KCNT2: variants seen among roughly 807,000 people sequenced by gnomAD.
KCNT2 encodes potassium channel subfamily T member 2.
KCNT2 carries 67 observed loss-of-function variants against 153.8 expected under a neutral mutation model. The observed-to-expected ratio is 0.44, with a 90% CI of 0.36 to 0.53. The LOEUF (loss-of-function observed/expected upper bound fraction) is 0.53, where lower values mean the gene tolerates loss of function less well. Ranked by LOEUF, KCNT2 falls within the 20% of genes least tolerant of loss-of-function variation. The pLI is 0.00. For missense variants in KCNT2, 975 were observed against 1,354.8 expected (o/e 0.72, Z 4.40); for synonymous variants, 500 against 458.8 (o/e 1.09, Z -1.15).
At chr1:196,325,013 G>A (rs1445459100) in intron 19 of KCNT2, among the ~76,000 whole-genome samples, 1 of 152,048 alleles carries the variant, frequency 6.6e-6, no homozygotes, top group African/African-American at 2.4e-5. Flanking sequence ...CCTGTCACCT[G>A]TGTGATGGTG....
At chr1:196,525,954 C>T (rs1024810670) in intron 1 of KCNT2, among the ~76,000 whole-genome samples, 2 of 151,858 alleles carry the variant, frequency 1.3e-5, no homozygotes, top group Admixed American at 6.6e-5. Context: ...TTAGTATTCA[C>T]TAATGCAGAG....
At chr1:196,333,106 T>TTG (rs1553287556) in intron 17 of KCNT2, among the ~76,000 whole-genome samples, 16 of 151,186 alleles carry the variant, frequency 1.1e-4, no homozygotes, top group African/African-American at 3.7e-4. Flanking sequence ...TTTTTTTTTT[T>TTG]TTTGTTTGTT....
intron 5 of KCNT2, among the ~76,000 whole-genome samples, chr1:196,476,977 A>G (rs1483402348): frequency 6.6e-6 from 1 of 152,178 alleles, no homozygotes; most frequent in Non-Finnish European, 1.5e-5. Flanking sequence ...CAAGTTTCTT[A>G]TACTTGACAT....
At chr1:196,436,780 T>C (rs953251494) in intron 8 of KCNT2, among the ~76,000 whole-genome samples, 1 of 150,708 alleles carries the variant, frequency 6.6e-6, no homozygotes, top group African/African-American at 2.4e-5. Context: ...TACAGCACAT[T>C]CATAAGCATA....
chr1:196,228,814 T>G (rs1653694680), intron 27 of KCNT2, among the ~76,000 whole-genome samples: 1 of 152,122 alleles, frequency 6.6e-6, no homozygotes, highest in South Asian at 2.1e-4. Context: ...AGGAGATTGA[T>G]GTAAGCAATT....
At chr1:196,535,820 C>G (rs1207271082) in intron 1 of KCNT2, among the ~76,000 whole-genome samples, 1 of 152,220 alleles carries the variant, frequency 6.6e-6, no homozygotes, top group Non-Finnish European at 1.5e-5. Context: ...ATAGTGGCTT[C>G]CAGCCAAGCA....
intron 7 of KCNT2, 69 bp from the exon 8 acceptor site, chr1:196,465,456 T>C (rs1677528637): frequency 9.5e-6 from 8 of 841,372 alleles, no homozygotes; most frequent in Non-Finnish European, 1.7e-5. Flanking sequence ...TCATTACATT[T>C]ATTAGCATAC....
chr1:196,510,206 A>C (rs1186228069), intron 1 of KCNT2, among the ~76,000 whole-genome samples: 1 of 152,216 alleles, frequency 6.6e-6, no homozygotes, highest in Non-Finnish European at 1.5e-5. Flanking sequence ...GTAAGTTAAA[A>C]GAACTTGAAT....
chr1:196,602,500 C>G (rs1664832122), intron 1 of KCNT2, among the ~76,000 whole-genome samples: 1 of 152,136 alleles, frequency 6.6e-6, no homozygotes. Context: ...GATTAAGTCA[C>G]TCACAGAAGT....
At chr1:196,465,447 C>T in intron 7 of KCNT2, 60 bp from the exon 8 acceptor site, 1 of 900,990 alleles carries the variant, frequency 1.1e-6, no homozygotes, top group Non-Finnish European at 1.9e-6. Context: ...GCATGAGTTT[C>T]ATTACATTTA....
At chr1:196,428,671 T>C (rs980531928) in intron 9 of KCNT2, among the ~76,000 whole-genome samples, 1 of 152,114 alleles carries the variant, frequency 6.6e-6, no homozygotes, top group Non-Finnish European at 1.5e-5. Context: ...ACATTCTAGC[T>C]GTACAGTAGC....
intron 22 of KCNT2, among the ~76,000 whole-genome samples, chr1:196,299,346 C>A (rs548568771): frequency 1.3e-5 from 2 of 149,260 alleles, no homozygotes; most frequent in African/African-American, 5.0e-5. Context: ...ATATCCAAGA[C>A]AAGGATAACG....
At chr1:196,279,571 C>A (rs1195623592) in intron 25 of KCNT2, among the ~76,000 whole-genome samples, 1 of 151,660 alleles carries the variant, frequency 6.6e-6, no homozygotes, top group African/African-American at 2.4e-5. Flanking sequence ...TACAGGTGTG[C>A]ACCACCACAC....
chr1:196,578,860 T>C (rs1661687363), intron 1 of KCNT2, among the ~76,000 whole-genome samples: 1 of 152,156 alleles, frequency 6.6e-6, no homozygotes, highest in Non-Finnish European at 1.5e-5. Flanking sequence ...TGAAATGAAA[T>C]AGCATTCAAT....
chr1:196,458,428 C>T (rs551714099), intron 8 of KCNT2, among the ~76,000 whole-genome samples: 1 of 151,928 alleles, frequency 6.6e-6, no homozygotes, highest in African/African-American at 2.4e-5. Flanking sequence ...TTATCTTTGA[C>T]ACAAACCCAT....
At chr1:196,457,626 A>T (rs1676790684) in intron 8 of KCNT2, among the ~76,000 whole-genome samples, 1 of 151,952 alleles carries the variant, frequency 6.6e-6, no homozygotes, top group African/African-American at 2.4e-5. Flanking sequence ...AATAAGGTAA[A>T]TGTATTAAGA....
At position 196,492,481 on chromosome 1, in the gene KCNT2, T is replaced by C. The variant is rs187217238; in HGVS notation, c.96-140A>G. 8.3e-4 allele frequency: 581 copies of C among 701,278 alleles called. 2 individuals are homozygous for C. The African/African-American group carries it at 9.3e-3, about 11-fold the overall frequency. 43.4% of individuals were successfully genotyped at this position (701,278 alleles called of 1,614,324 possible). ...TTTTGAAATAAATTATTTGATTTAATGCATTATGTATTTTAGTAAATTCCC... is the reference window on the plus strand; with the variant it reads ...TTTTGAAATAAATTATTTGATTTAACGCATTATGTATTTTAGTAAATTCCC... On this transcript the variant is annotated intron_variant, in intron 1 of 27. Transcript: ENST00000294725.
Position 196,251,170 on chromosome 1 carries a change from T to C in KCNT2, c.3211+7024A>G, listed in dbSNP as rs1045718328. ...TCTGCACTCCCATGTTTATTGCAGC[T>C]GTATTCACAATAGCCAAGATTTGGA... On this transcript the variant is annotated intron_variant, in intron 26 of 27. Coordinates refer to ENST00000294725, the MANE Select transcript of KCNT2 (RefSeq NM_198503.5). Among the ~76,000 whole-genome samples the C allele has an allele frequency of 2.0e-5, 3 of 152,118 alleles. No homozygotes were observed. The East Asian group carries it at 5.8e-4, about 29-fold the overall frequency.
At chr1:196,232,860 A>G (rs1474566620) in intron 27 of KCNT2, among the ~76,000 whole-genome samples, 1 of 151,476 alleles carries the variant, frequency 6.6e-6, no homozygotes, top group Non-Finnish European at 1.5e-5. Flanking sequence ...AAATGATTGT[A>G]TTAAGCTTAA....
Sources: allele counts gnomAD v4.1 joint callset (sites outside exome capture counted in the v4.1 genomes callset), GRCh38; gene constraint gnomAD v4.1.1; transcripts MANE v1.5; gene names NCBI Gene and HGNC (gene_info 2026-07-23, HGNC 2026-07-21).